Variants in DCDC1 observed in about 807,000 individuals in gnomAD.
The protein encoded by DCDC1 is doublecortin domain containing 1.
DCDC1 carries 200 observed loss-of-function variants against 178.3 expected under a neutral mutation model. The observed-to-expected ratio is 1.12, with a 90% CI of 1.00 to 1.26. The LOEUF is 1.26. Ranked by LOEUF, DCDC1 falls within the 50% of genes most tolerant of loss-of-function variation. The probability of loss-of-function intolerance (pLI) is 0.00; values close to 1 mark genes in which losing one functional copy is unlikely to be tolerated. For synonymous variants in DCDC1, 690 were observed against 604.8 expected (o/e 1.14, Z -2.07); for missense variants, 1,983 against 1,749.2 (o/e 1.13, Z -2.38).
rs540802225 is a variant in DCDC1 at position 31,122,663 on chromosome 11, G to A, written c.1485+4806C>T. Reference sequence around the variant, plus strand: ...CATCCTATGGTTGCAACTGAGAAATGAGTGTGGTTCTGACCCGAATGTTGA... The same window carrying A: ...CATCCTATGGTTGCAACTGAGAAATAAGTGTGGTTCTGACCCGAATGTTGA... On this transcript the variant is annotated intron_variant, in intron 11 of 38. Coordinates refer to ENST00000684477, the MANE Select transcript of DCDC1 (RefSeq NM_001387274.1). 4.6e-5 allele frequency among the ~76,000 whole-genome samples: 7 copies of A among 152,238 alleles called. No homozygotes were observed. The East Asian group carries it at 9.6e-4, about 21-fold the overall frequency.
rs1269536764 is a variant in DCDC1 at position 30,905,141 on chromosome 11, A to C, written c.4128T>G (p.Ala1376=). ...CTTGGTAGTAACTTAGAGTTTTTTC[A>C]GCCTTGTCACACGACAAATCAACCT... ...VAEVDLSCDK[A]EKTLSYYQAR... is the part of the protein sequence containing the mutation. Residue 1376 remains alanine, a synonymous_variant, in exon 31 of 39, where the codon GCT becomes GCG. Coordinates refer to ENST00000684477, the MANE Select transcript of DCDC1 (RefSeq NM_001387274.1). 2 of 1,606,926 alleles carry C rather than the reference A, an allele frequency of 1.2e-6. No individual in the cohort carries two copies. The highest frequency in any genetic ancestry group is 2.7e-5 in the African/African-American group (2 of 74,918).
chr11:31,337,692 C>G (rs904564292), intron 1 of DCDC1, among the ~76,000 whole-genome samples: 1 of 152,112 alleles, frequency 6.6e-6, no homozygotes, highest in Non-Finnish European at 1.5e-5. Context: ...ATCAAACTAG[C>G]CTAGCTGTCA....
intron 20 of DCDC1, among the ~76,000 whole-genome samples, chr11:30,983,068 A>T (rs2134823187): frequency 6.6e-6 from 1 of 152,328 alleles, no homozygotes; most frequent in East Asian, 1.9e-4. Context: ...AGAGTGGGGC[A>T]TGAACTTCTC....
At chr11:30,942,141 G>A (rs1947693123) in intron 21 of DCDC1, among the ~76,000 whole-genome samples, 1 of 152,118 alleles carries the variant, frequency 6.6e-6, no homozygotes, top group South Asian at 2.1e-4. Context: ...ATCTATGAAT[G>A]GAGCAACATG....
At chr11:30,983,476 C>T (rs1489044847) in intron 20 of DCDC1, among the ~76,000 whole-genome samples, 1 of 152,144 alleles carries the variant, frequency 6.6e-6, no homozygotes, top group Non-Finnish European at 1.5e-5. Flanking sequence ...ATTCTAAATT[C>T]ATATAACTTT....
intron 9 of DCDC1, among the ~76,000 whole-genome samples, chr11:31,213,112 T>TCTCTCTCTCC (rs1972884706): frequency 2.3e-5 from 1 of 44,294 alleles, no homozygotes; most frequent in African/African-American, 8.4e-5. Context: ...TCTCTCTCTC[T>TCTCTCTCTCC]CTCTCTCTCT....
chr11:31,044,029 C>T (rs959009117), intron 20 of DCDC1, among the ~76,000 whole-genome samples: 4 of 151,982 alleles, frequency 2.6e-5, no homozygotes, highest in East Asian at 1.9e-4. Context: ...TCTGTGAATA[C>T]GAGATATCAC....
chr11:30,935,572 T>C (rs1033196738), intron 21 of DCDC1, among the ~76,000 whole-genome samples: 6 of 152,158 alleles, frequency 3.9e-5, no homozygotes, highest in Non-Finnish European at 8.8e-5. Context: ...TGGGTTTTTT[T>C]GAGACAGAGT....
chr11:31,188,332 T>C (rs1253282240), intron 9 of DCDC1, among the ~76,000 whole-genome samples: 1 of 152,142 alleles, frequency 6.6e-6, no homozygotes, highest in East Asian at 1.9e-4. Context: ...CATTGCAGCA[T>C]TAAGACTATA....
chr11:30,947,371 C>A (rs1400993954), intron 21 of DCDC1, among the ~76,000 whole-genome samples: 1 of 152,012 alleles, frequency 6.6e-6, no homozygotes, highest in Non-Finnish European at 1.5e-5. Context: ...AACATATAGA[C>A]TAAATGAATA....
intron 20 of DCDC1, among the ~76,000 whole-genome samples, chr11:31,059,200 A>G (rs1281827330): frequency 4.6e-5 from 7 of 152,122 alleles, no homozygotes; most frequent in Middle Eastern, 3.2e-3. Flanking sequence ...ACATAAGCCT[A>G]ATCTTTTAGA....
At chr11:31,280,872 G>GC in intron 7 of DCDC1, 1 of 637,188 alleles carries the variant, frequency 1.6e-6, no homozygotes, top group South Asian at 1.4e-5. Flanking sequence ...CCTGTCTTCT[G>GC]CCCGAAGAGA....
At chr11:31,274,454 A>G (rs969287456) in intron 7 of DCDC1, among the ~76,000 whole-genome samples, 39 of 147,488 alleles carry the variant, frequency 2.6e-4, no homozygotes, top group African/African-American at 9.6e-4. Context: ...TAGGTGGCAT[A>G]AGGAAGGCTT....
At chr11:31,003,108 T>G (rs1951664332) in intron 20 of DCDC1, among the ~76,000 whole-genome samples, 5 of 149,736 alleles carry the variant, frequency 3.3e-5, no homozygotes, top group Admixed American at 3.3e-4. Flanking sequence ...ATATATATAA[T>G]CTAGATTTCC....
At chr11:31,258,634 T>C (rs1048478404) in intron 8 of DCDC1, among the ~76,000 whole-genome samples, 7 of 152,082 alleles carry the variant, frequency 4.6e-5, no homozygotes, top group South Asian at 2.1e-4. Flanking sequence ...TAGGAGGAAA[T>C]GGCAGCAGTG....
At chr11:31,323,781 A>G (rs1949501531) in intron 3 of DCDC1, among the ~76,000 whole-genome samples, 1 of 152,166 alleles carries the variant, frequency 6.6e-6, no homozygotes, top group Non-Finnish European at 1.5e-5. Context: ...TAAAAGAAAT[A>G]ACCCCACTTA....
At chr11:31,263,902 A>G (rs989398443) in intron 8 of DCDC1, among the ~76,000 whole-genome samples, 5 of 152,216 alleles carry the variant, frequency 3.3e-5, no homozygotes, top group African/African-American at 7.2e-5. Context: ...TTTCAATAAC[A>G]TATTTAAACT....
At chr11:31,194,979 C>T (rs952619537) in intron 9 of DCDC1, among the ~76,000 whole-genome samples, 8 of 152,046 alleles carry the variant, frequency 5.3e-5, no homozygotes, top group Non-Finnish European at 1.2e-4. Context: ...TTTTCCCCTC[C>T]GGACATCTAT....
chr11:31,022,643 TTGTGTGTGTGTG>T (rs4067986), intron 20 of DCDC1, among the ~76,000 whole-genome samples: 68 of 121,042 alleles, frequency 5.6e-4, no homozygotes, highest in Middle Eastern at 4.2e-3. Context: ...GTCTTTTAGT[TTGTGTGTGTGTG>T]TGTGTGTGTG....
Sources: gnomAD v4.1 joint callset for allele counts (sites outside exome capture counted in the v4.1 genomes callset) on GRCh38, gnomAD v4.1.1 for gene constraint, MANE v1.5 for transcripts, NCBI Gene and HGNC (gene_info 2026-07-23, HGNC 2026-07-21) for gene names.